The following KPNA2 variants were observed in gnomAD, a reference collection of about 807,000 sequenced individuals.
The protein encoded by KPNA2 is karyopherin subunit alpha 2.
Under a neutral mutation model 53.7 loss-of-function variants are expected in KPNA2, and 20 were observed. That is an observed-to-expected ratio of 0.37 (90% CI 0.26 to 0.54). The LOEUF (loss-of-function observed/expected upper bound fraction) is 0.54, where lower values mean the gene tolerates loss of function less well. Ranked by LOEUF, KPNA2 falls within the 20% of genes least tolerant of loss-of-function variation. The probability of loss-of-function intolerance (pLI) is 0.83; values close to 1 mark genes in which losing one functional copy is unlikely to be tolerated. For synonymous variants in KPNA2, 238 were observed against 227.5 expected, an observed-to-expected ratio of 1.05 and a Z score of -0.42; for missense variants, 515 against 640.3, an observed-to-expected ratio of 0.80 and a Z score of 2.11.
chr17:68,042,504 C>T, intron 5 of KPNA2, 151 bp downstream of exon 5: 1 of 844,204 alleles, frequency 1.2e-6, no homozygotes, highest in Admixed American at 2.3e-5. Context: ...ACAAAGGCAG[C>T]AGAGGGCCAT....
intron 7 of KPNA2, 117 bp from the exon 8 acceptor site, chr17:68,043,721 A>G: frequency 1.5e-6 from 1 of 681,292 alleles, no homozygotes; most frequent in South Asian, 1.8e-5. Flanking sequence ...TGATAGTAAT[A>G]TTGAAATATT....
intron 3 of KPNA2, among the ~76,000 whole-genome samples, chr17:68,038,528 T>C (rs2071217360): frequency 6.6e-6 from 1 of 152,210 alleles, no homozygotes; most frequent in Non-Finnish European, 1.5e-5. Context: ...TATCCTTCTT[T>C]ATGCCATATA....
intron 3 of KPNA2, among the ~76,000 whole-genome samples, chr17:68,037,738 T>C (rs549946250): frequency 1.3e-5 from 2 of 152,226 alleles, no homozygotes; most frequent in African/African-American, 4.8e-5. Context: ...TTCTAGCTAC[T>C]AGCTGGGTAC....
chr17:68,039,546 C>G (rs987711792), intron 3 of KPNA2, among the ~76,000 whole-genome samples: 1 of 150,838 alleles, frequency 6.6e-6, no homozygotes, highest in Non-Finnish European at 1.5e-5. Context: ...TTTGGGAGGC[C>G]GAGGCAGGTG....
intron 1 of KPNA2, 158 bp from the exon 2 acceptor site, chr17:68,036,952 T>C: frequency 1.7e-6 from 1 of 579,034 alleles, no homozygotes; most frequent in Non-Finnish European, 3.1e-6. Flanking sequence ...ACTTCCCCTT[T>C]GGGTAAAGCT....
chr17:68,044,490 C>G lies in KPNA2; in HGVS notation c.1334C>G (p.Ser445Ter). Residue 445 changes from serine to a stop codon, truncating the protein, a stop_gained, in exon 9 of 11, where the codon TCA becomes TGA. Transcript: ENST00000330459. LOFTEE classifies it high-confidence loss of function. ...ATTCTGGTTATCCTGGATGCCATTTCAAATATCTTTCAGGTAAGTCCTATC... is the reference window on the plus strand; with the variant it reads ...ATTCTGGTTATCCTGGATGCCATTTGAAATATCTTTCAGGTAAGTCCTATC... ...KIILVILDAI[S>*]NIFQAAEKLG... 1 of 1,613,474 alleles carries G rather than the reference C, an allele frequency of 6.2e-7. No homozygotes were observed. The highest frequency in any genetic ancestry group is 8.5e-7 in the Non-Finnish European group (1 of 1,179,656).
rs1599144122 is a variant in KPNA2 at position 68,045,536 on chromosome 17, A to G, written c.1348-236A>G. On this transcript the variant is annotated intron_variant, in intron 9 of 10. Transcript: ENST00000330459. ...TGATACATAGAAAAGGTTGGGAGCT[A>G]CTACTGATTGTAAGATCTTTGGCTC... 5 of 398,316 alleles carry G rather than the reference A, an allele frequency of 1.3e-5. No homozygotes were observed. The East Asian group carries it at 1.5e-4, about 12-fold the overall frequency. 24.7% of individuals were successfully genotyped at this position (398,316 alleles called of 1,614,324 possible).
At chr17:68,045,621 T>C in intron 9 of KPNA2, 151 bp from the exon 10 acceptor site, 1 of 590,092 alleles carries the variant, frequency 1.7e-6, no homozygotes, top group Non-Finnish European at 2.9e-6. Flanking sequence ...CAACAAAATA[T>C]AAAATGGACA....
intron 4 of KPNA2, among the ~76,000 whole-genome samples, chr17:68,041,396 T>A (rs1214404357): frequency 6.6e-6 from 1 of 152,126 alleles, no homozygotes; most frequent in Admixed American, 6.5e-5. Context: ...AGCCAGTTTC[T>A]ACAAAAGAAA....
At chr17:68,037,311 A>G (rs1555703915) in intron 2 of KPNA2, 47 bp from the exon 3 acceptor site, 1 of 1,594,692 alleles carries the variant, frequency 6.3e-7, no homozygotes, top group Non-Finnish European at 8.5e-7. Flanking sequence ...TCACTTAGCA[A>G]CAAAAACTGG....
rs1204189187 is a variant in KPNA2 at position 68,035,754 on chromosome 17, T to G, written c.-110T>G. 2.0e-5 allele frequency: 3 copies of G among 152,070 alleles called. No homozygotes were observed. Among genetic ancestry groups the G allele is most frequent in the African/African-American group, 7.3e-5 (3 of 41,326 alleles). 9.4% of individuals were successfully genotyped at this position (152,070 alleles called of 1,614,324 possible). On this transcript the variant is annotated 5_prime_UTR_variant, in exon 1 of 11. Transcript: ENST00000330459. ...CGAGCCACACGGTCTTTGAGCTGAGTCGAGGTGGACCCTTTGAACGCAGTC... is the reference window on the plus strand; with the variant it reads ...CGAGCCACACGGTCTTTGAGCTGAGGCGAGGTGGACCCTTTGAACGCAGTC...
chr17:68,044,294 A>G (rs1555705120), intron 8 of KPNA2, 27 bp from the exon 9 acceptor site: 5 of 1,590,654 alleles, frequency 3.1e-6, no homozygotes, highest in East Asian at 4.5e-5. Context: ...CTGTTCTGAA[A>G]TAAAACCATT....
chr17:68,042,143 A>G lies in KPNA2; in HGVS notation c.361A>G (p.Ile121Val), dbSNP rs781908749. The change falls in exon 5 of 11, where the codon ATT becomes GTT. Residue 121 changes from isoleucine (I) to valine (V), a missense_variant. Coordinates refer to ENST00000330459, the MANE Select transcript of KPNA2 (RefSeq NM_002266.4). ...PIDNIIRAGL[I>V]PKFVSFLGRT... is the part of the protein sequence containing the mutation. ...AGACAACATAATCCGGGCTGGTTTG[A>G]TTCCGAAATTTGTGTCCTTCTTGGG... The G allele has an allele frequency of 1.9e-6, 3 of 1,614,006 alleles. No individual in the cohort carries two copies. In the South Asian group the frequency reaches 3.3e-5, roughly 18 times the overall value.
At position 68,042,982 on chromosome 17, in the gene KPNA2, G is replaced by C; in HGVS notation, c.649G>C (p.Asp217His). 1.9e-6 allele frequency: 3 copies of C among 1,613,304 alleles called. No individual in the cohort carries two copies. The highest frequency in any genetic ancestry group is 2.5e-6 in the Non-Finnish European group (3 of 1,179,644). Residue 217 changes from aspartate to histidine, a missense_variant, in exon 6 of 11, where the codon GAT becomes CAT. Physicochemically the swap from Asp to His is moderately conservative, Grantham distance 81 (BLOSUM62 -1). Coordinates refer to ENST00000330459, the MANE Select transcript of KPNA2 (RefSeq NM_002266.4). ...DPLLALLAVP[D>H]MSSLACGYLR... Reference sequence around the variant, plus strand: ...ACTGTTGGCTCTCCTTGCAGTTCCTGATATGTCATCTTTAGCAGTAAGTTA... The same window carrying C: ...ACTGTTGGCTCTCCTTGCAGTTCCTCATATGTCATCTTTAGCAGTAAGTTA...
chr17:68,044,831 A>G (rs1472435499), intron 9 of KPNA2, among the ~76,000 whole-genome samples: 1 of 152,226 alleles, frequency 6.6e-6, no homozygotes, highest in African/African-American at 2.4e-5. Flanking sequence ...ACGGTGGCTC[A>G]TGCCTGTAAT....
chr17:68,038,666 T>C lies in KPNA2; in HGVS notation c.213+1171T>C, dbSNP rs1425396175. 3.9e-5 allele frequency among the ~76,000 whole-genome samples: 6 copies of C among 151,914 alleles called. No homozygotes were observed. The East Asian group carries it at 1.2e-3, about 29-fold the overall frequency. ...GTGAGCCAAGATCATGCCATTGCAC[T>C]CCAGCCTGTGCAACAAGAGTGAAAC... On this transcript the variant is annotated intron_variant, in intron 3 of 10. Coordinates refer to ENST00000330459, the MANE Select transcript of KPNA2 (RefSeq NM_002266.4).
In KPNA2 at chr17:68,046,701, C is replaced by T. The variant is rs1555705462; in HGVS notation, c.*105C>T. ...TTAAATGTGGTTTGTTACTGTAGCA[C>T]TTTTTACACTGAAACTATACTTGAA... is the stretch of plus-strand genomic sequence containing the variant. On this transcript the variant is annotated 3_prime_UTR_variant, in exon 11 of 11. Coordinates refer to ENST00000330459, the MANE Select transcript of KPNA2 (RefSeq NM_002266.4). 2 of 726,356 alleles carry T rather than the reference C, an allele frequency of 2.8e-6. No individual in the cohort carries two copies. Among genetic ancestry groups the T allele is most frequent in the Non-Finnish European group, 4.9e-6 (2 of 408,976 alleles). 45.0% of individuals were successfully genotyped at this position (726,356 alleles called of 1,614,324 possible). A position where few individuals can be genotyped will look rare whatever the true frequency, so the allele number is the denominator to read the frequency against.
intron 4 of KPNA2, among the ~76,000 whole-genome samples, chr17:68,041,551 C>CT (rs1167983387): frequency 6.6e-6 from 1 of 152,076 alleles, no homozygotes; most frequent in African/African-American, 2.4e-5. Flanking sequence ...GAGCAAGACT[C>CT]TGTCTCAAAA....
intron 4 of KPNA2, among the ~76,000 whole-genome samples, 200 bp downstream of exon 4, chr17:68,040,966 G>A (rs2071253464): frequency 1.3e-5 from 2 of 152,194 alleles, no homozygotes; most frequent in Admixed American, 1.3e-4. Context: ...GGCCTGGAAT[G>A]CCTGGGTTCA....
Sources: allele counts gnomAD v4.1 joint callset (sites outside exome capture counted in the v4.1 genomes callset), GRCh38; gene constraint gnomAD v4.1.1; transcripts MANE v1.5; gene names NCBI Gene and HGNC (gene_info 2026-07-23, HGNC 2026-07-21).